LRRK2: variants seen among roughly 807,000 people sequenced by gnomAD.
The protein encoded by LRRK2 is leucine rich repeat kinase 2.
In LRRK2, 203 loss-of-function variants were observed where a neutral mutation model predicts 302.6. The observed-to-expected ratio is 0.67, with a 90% CI of 0.60 to 0.75. The LOEUF (loss-of-function observed/expected upper bound fraction) is 0.75. Among genes scored for constraint, LRRK2 ranks in the 30% least tolerant of loss-of-function variants. The pLI is 0.00. For missense variants in LRRK2, 2,830 were observed against 2,951.0 expected (o/e 0.96, Z 0.95); for synonymous variants, 1,066 against 1,031.9 (o/e 1.03, Z -0.63).
rs1946510323 is a variant in LRRK2, at chr12:40,355,606, G to T, written c.6771-509G>T. Among the ~76,000 whole-genome samples the T allele has an allele frequency of 2.1e-5, 3 of 145,116 alleles. No individual in the cohort carries two copies. In the South Asian group the frequency reaches 6.5e-4, roughly 32 times the overall value. On this transcript the variant is annotated intron_variant, in intron 45 of 50. Transcript: ENST00000298910. ...TGCCCAAGCTGGAGTGCAATGGCATGATCTTGGCTCACTGCAACTTCCACC... is the reference window on the plus strand; with the variant it reads ...TGCCCAAGCTGGAGTGCAATGGCATTATCTTGGCTCACTGCAACTTCCACC...
intron 14 of LRRK2, among the ~76,000 whole-genome samples, chr12:40,265,159 C>T (rs1250430560): frequency 6.6e-6 from 1 of 151,974 alleles, no homozygotes; most frequent in Non-Finnish European, 1.5e-5. Context: ...TTGAGTATGG[C>T]AAGAATTTAT....
intron 39 of LRRK2, among the ~76,000 whole-genome samples, chr12:40,329,458 T>TA (rs1945646696): frequency 6.6e-6 from 1 of 152,182 alleles, no homozygotes; most frequent in South Asian, 2.1e-4. Context: ...ACATTTATAT[T>TA]CTGGTCTGTA....
Position 40,354,754 on chromosome 12 carries a change from C to T in LRRK2, c.6770+262C>T, listed in dbSNP as rs1236060624. ...TCCTGGTATTACCTCAACTGTGGCT[C>T]TATCTCTTTACTTCTCCTCAGATCA... is the stretch of plus-strand genomic sequence containing the variant. On this transcript the variant is annotated intron_variant, in intron 45 of 50. Transcript: ENST00000298910. Among the ~76,000 whole-genome samples, 5 of 152,076 alleles carry T rather than the reference C, an allele frequency of 3.3e-5. No individual in the cohort carries two copies. In the East Asian group the frequency reaches 9.6e-4, roughly 29 times the overall value.
intron 2 of LRRK2, among the ~76,000 whole-genome samples, chr12:40,229,502 A>G (rs535793692): frequency 3.6e-4 from 55 of 152,216 alleles, no homozygotes; most frequent in African/African-American, 1.2e-3. Context: ...TTTCCTGCCT[A>G]TCTTTTCACT....
chr12:40,364,175 T>G (rs1190109275), intron 48 of LRRK2, among the ~76,000 whole-genome samples: 1 of 151,982 alleles, frequency 6.6e-6, no homozygotes, highest in African/African-American at 2.4e-5. Context: ...TATGATACTC[T>G]TGAGAACATT....
At chr12:40,341,224 A>G (rs771403581) in intron 41 of LRRK2, among the ~76,000 whole-genome samples, 2 of 152,152 alleles carry the variant, frequency 1.3e-5, no homozygotes, top group Non-Finnish European at 2.9e-5. Flanking sequence ...GAAACTTTAT[A>G]TAGTTAGTTA....
chr12:40,349,709 G>A (rs905112820), intron 43 of LRRK2, among the ~76,000 whole-genome samples: 2 of 152,094 alleles, frequency 1.3e-5, no homozygotes, highest in African/African-American at 4.8e-5. Context: ...TAGAGAAAGG[G>A]TCTCACTCTG....
At chr12:40,225,719 C>T (rs1940839601) in intron 2 of LRRK2, 79 bp downstream of exon 2, 3 of 1,298,156 alleles carry the variant, frequency 2.3e-6, no homozygotes, top group Admixed American at 1.9e-5. Flanking sequence ...TTAATATAGC[C>T]GAGAGTTCTT....
intron 11 of LRRK2, 35 bp downstream of exon 11, chr12:40,253,051 A>G: frequency 1.4e-6 from 2 of 1,383,604 alleles, no homozygotes; most frequent in African/African-American, 1.4e-5. Context: ...ATAAAGGGAA[A>G]CACATTTTTG....
intron 8 of LRRK2, among the ~76,000 whole-genome samples, chr12:40,250,229 C>T (rs1173067455): frequency 5.9e-5 from 9 of 152,302 alleles, no homozygotes; most frequent in Middle Eastern, 3.4e-3. Flanking sequence ...TGGTGGCTCA[C>T]GCCTGTAATC....
rs721711 is a variant in LRRK2 at position 40,315,526 on chromosome 12, G to A, written c.4827+226G>A. On this transcript the variant is annotated intron_variant, in intron 33 of 50. Coordinates refer to ENST00000298910, the MANE Select transcript of LRRK2 (RefSeq NM_198578.4). Reference sequence around the variant, plus strand: ...TGACTTGGTTTTCAAGCCACATACAGATGTTTGTATCACTCTGCCCCATGC... The same window carrying A: ...TGACTTGGTTTTCAAGCCACATACAAATGTTTGTATCACTCTGCCCCATGC... Among the ~76,000 whole-genome samples the A allele has an allele frequency of 0.57, 85,816 of 151,512 alleles. 24,415 individuals carry two copies. The highest frequency in any genetic ancestry group is 0.7 in the South Asian group (3,354 of 4,822).
chr12:40,291,289 G>C (rs2136693894), intron 20 of LRRK2, among the ~76,000 whole-genome samples: 1 of 151,872 alleles, frequency 6.6e-6, no homozygotes, highest in Non-Finnish European at 1.5e-5. Context: ...TGGGGTGGGG[G>C]GAAGGGGGAG....
Position 40,314,171 on chromosome 12 carries a change from C to A in LRRK2, c.4736C>A (p.Ser1579Ter). The stretch of plus-strand genomic sequence containing the variant: ...CACGCAGTTCACTTTCTAAATGAAT[C>A]AGGTTTGTGTTTTTCGTTCCTTATT... ...LPHAVHFLNE[S>*]GVLLHFQDPA... Residue 1579 changes from serine (S) to a stop codon, truncating the protein, a stop_gained and splice_region_variant, in exon 32 of 51, where the codon TCA (serine) becomes TAA (stop). Transcript: ENST00000298910. LOFTEE classifies it high-confidence loss of function. 1 of 1,611,936 alleles carries A rather than the reference C, an allele frequency of 6.2e-7. No individual in the cohort carries two copies. The highest frequency in any genetic ancestry group is 1.1e-5 in the South Asian group (1 of 91,012).
chr12:40,268,872 C>T lies in LRRK2; in HGVS notation c.1656+4971C>T, dbSNP rs548364868. ...GTAATGTTATGATATTCCTCGACTGCGGGAGGAAAATAGATTACTCAGTTA... is the reference window on the plus strand; with the variant it reads ...GTAATGTTATGATATTCCTCGACTGTGGGAGGAAAATAGATTACTCAGTTA... On this transcript the variant is annotated intron_variant, in intron 14 of 50. Coordinates refer to ENST00000298910, the MANE Select transcript of LRRK2 (RefSeq NM_198578.4). Among the ~76,000 whole-genome samples, 254 of 152,186 alleles carry T rather than the reference C, an allele frequency of 1.7e-3. 3 individuals are homozygous for T. In the Middle Eastern group the frequency reaches 0.017, roughly 10 times the overall value.
chr12:40,366,968 G>A, intron 49 of LRRK2, 38 bp from the exon 50 acceptor site: 1 of 1,510,446 alleles, frequency 6.6e-7, no homozygotes, highest in Admixed American at 1.7e-5. Context: ...TTAATATATA[G>A]TTTTAACAGA....
intron 43 of LRRK2, among the ~76,000 whole-genome samples, chr12:40,351,129 T>G (rs927149632): frequency 6.6e-6 from 1 of 152,186 alleles, no homozygotes; most frequent in African/African-American, 2.4e-5. Flanking sequence ...CTAAATTTTG[T>G]TACCAAAGAC....
chr12:40,272,205 C>A (rs1368015091), intron 14 of LRRK2, among the ~76,000 whole-genome samples: 14 of 152,278 alleles, frequency 9.2e-5, no homozygotes, highest in Admixed American at 2.6e-4. Flanking sequence ...TGAAGCTGGC[C>A]TTGCCTGCCA....
At chr12:40,333,954 G>C (rs1387472450) in intron 39 of LRRK2, among the ~76,000 whole-genome samples, 2 of 152,190 alleles carry the variant, frequency 1.3e-5, no homozygotes, top group East Asian at 1.9e-4. Context: ...GGTCTGGAAG[G>C]CCTGGGGCAT....
chr12:40,262,586 G>C (rs538656309), intron 13 of LRRK2, among the ~76,000 whole-genome samples: 2 of 152,238 alleles, frequency 1.3e-5, no homozygotes, highest in South Asian at 4.1e-4. Context: ...AAAATTTACA[G>C]TCCACACGAC....
Sources: gnomAD v4.1 joint callset for allele counts (sites outside exome capture counted in the v4.1 genomes callset) on GRCh38, gnomAD v4.1.1 for gene constraint, MANE v1.5 for transcripts, NCBI Gene and HGNC (gene_info 2026-07-23, HGNC 2026-07-21) for gene names.